Variants in TULP1 observed in about 807,000 individuals in gnomAD.
The protein encoded by TULP1 is TUB like protein 1, also known as tubby-related protein 1.
TULP1 carries 50 observed loss-of-function variants against 67.1 expected under a neutral mutation model. The observed-to-expected ratio is 0.75, with a 90% CI of 0.59 to 0.94. The LOEUF is 0.94. Among genes scored for constraint, TULP1 ranks in the 40% least tolerant of loss-of-function variants. The probability of loss-of-function intolerance (pLI) is 0.00; values close to 1 mark genes in which losing one functional copy is unlikely to be tolerated. For missense variants in TULP1, 746 were observed against 734.1 expected, an observed-to-expected ratio of 1.02 and a Z score of -0.19; for synonymous variants, 297 against 294.0, an observed-to-expected ratio of 1.01 and a Z score of -0.11.
At chr6:35,512,326 G>A in intron 2 of TULP1, 56 bp from the exon 3 acceptor site, 2 of 890,308 alleles carry the variant, frequency 2.2e-6, no homozygotes, top group Non-Finnish European at 1.6e-6. Flanking sequence ...GCTGAGGCCC[G>A]CCCATCCCCC....
At chr6:35,500,853 T>TG (rs1768827027) in intron 13 of TULP1, among the ~76,000 whole-genome samples, 1 of 152,136 alleles carries the variant, frequency 6.6e-6, no homozygotes, top group African/African-American at 2.4e-5. Flanking sequence ...ATGCTGCCTC[T>TG]GGGGGATTTG....
intron 3 of TULP1, 44 bp downstream of exon 3, chr6:35,512,136 A>G: frequency 8.6e-7 from 1 of 1,157,810 alleles, no homozygotes. Flanking sequence ...TCCCTTCCGC[A>G]GCCCACACCC....
rs746856003 is a variant in TULP1, at chr6:35,512,641, G to C, written c.97C>G (p.Gln33Glu). The C allele has an allele frequency of 6.2e-7, 1 of 1,614,064 alleles. No homozygotes were observed. The highest frequency in any genetic ancestry group is 1.1e-5 in the South Asian group (1 of 91,076). ...CCTTTCCAAGTGGGGTGGCATACCT[G>C]TTTGGGGCGCCGCGGGGCCTCCGGG... Reference protein sequence around the residue: ...LSPEAPRRPKQRPAPAQRLRK... With the variant: ...LSPEAPRRPKERPAPAQRLRK... Residue 33 changes from glutamine (Q) to glutamate (E), a missense_variant and splice_region_variant, in exon 2 of 15, where the codon CAG (glutamine) becomes GAG (glutamate). Transcript: ENST00000229771.
chr6:35,512,562 C>T lies in TULP1; in HGVS notation c.99+77G>A. 6 of 1,597,664 alleles carry T rather than the reference C, an allele frequency of 3.8e-6. No homozygotes were observed. In the South Asian group the frequency reaches 6.6e-5, roughly 18 times the overall value. The stretch of plus-strand genomic sequence containing the variant: ...CCTGCTAAGGGGGACCTGTCCCACC[C>T]CTAGACCCCCTACCCTGCGTGGGTT... On this transcript the variant is annotated intron_variant, in intron 2 of 14. Coordinates refer to ENST00000229771, the MANE Select transcript of TULP1 (RefSeq NM_003322.6).
At chr6:35,512,535 A>G in intron 2 of TULP1, 104 bp downstream of exon 2, 5 of 1,471,540 alleles carry the variant, frequency 3.4e-6, no homozygotes, top group Non-Finnish European at 4.7e-6. Context: ...CAACCCCCAG[A>G]CCCTGCTAAG....
intron 11 of TULP1, among the ~76,000 whole-genome samples, chr6:35,504,384 C>G (rs1241873125): frequency 1.3e-5 from 2 of 152,080 alleles, no homozygotes; most frequent in African/African-American, 4.8e-5. Flanking sequence ...TACAAGGAGA[C>G]TAGGCAGTGT....
rs1210563631 is a variant in TULP1, at chr6:35,506,078, C to T, written c.924G>A (p.Arg308=). 2 of 1,613,678 alleles carry T rather than the reference C, an allele frequency of 1.2e-6. No homozygotes were observed. Among genetic ancestry groups the T allele is most frequent in the Admixed American group, 1.7e-5 (1 of 60,024 alleles). ...CCATGCCCTTTTTGTCCCGGGTCAG[C>T]CGGCAGCGCACCGTGCGGCCCTGGG... is the stretch of plus-strand genomic sequence containing the variant. ...PAPQGRTVRC[R]LTRDKKGMDR... is the part of the protein sequence containing the mutation. The change falls in exon 10 of 15, where the codon CGG becomes CGA. Residue 308 remains arginine (R), a synonymous_variant. Coordinates refer to ENST00000229771, the MANE Select transcript of TULP1 (RefSeq NM_003322.6).
In TULP1 at chr6:35,503,472, G is replaced by A. The variant is rs984662977; in HGVS notation, c.1323+87C>T. 6.0e-6 allele frequency: 8 copies of A among 1,327,112 alleles called. No individual in the cohort carries two copies. The Admixed American group carries it at 1.4e-4, about 23-fold the overall frequency. 82.2% of individuals were successfully genotyped at this position (1,327,112 alleles called of 1,614,324 possible). On this transcript the variant is annotated intron_variant, in intron 13 of 14. Transcript: ENST00000229771. This position sits in a 1 kb window ranked among gnomAD's most constrained non-coding sequence, Gnocchi z 4.0. The stretch of plus-strand genomic sequence containing the variant: ...ATTTGTGTTGGAGGGTGATGGATGT[G>A]CTCAGGGAGTTGGCTATTTCCTAAG...
Position 35,503,715 on chromosome 6 carries a change from G to T in TULP1, c.1224+22C>A. On this transcript the variant is annotated intron_variant, in intron 12 of 14. Coordinates refer to ENST00000229771, the MANE Select transcript of TULP1 (RefSeq NM_003322.6). This position sits in a 1 kb window ranked among gnomAD's most constrained non-coding sequence, Gnocchi z 4.0. ...CCCTGTAAGGGGAGCAGCCTGGCAT[G>T]GGGGACAGGTGGAGTCCTCACATAG... 4 of 1,608,106 alleles carry T rather than the reference G, an allele frequency of 2.5e-6. No individual in the cohort carries two copies. Among genetic ancestry groups the T allele is most frequent in the Non-Finnish European group, 3.4e-6 (4 of 1,177,252 alleles).
intron 11 of TULP1, among the ~76,000 whole-genome samples, chr6:35,504,364 G>T (rs1761040495): frequency 6.6e-6 from 1 of 151,842 alleles, no homozygotes; most frequent in Non-Finnish European, 1.5e-5. Context: ...ACAAAAAAAA[G>T]GGCTGAATCT....
In TULP1 at chr6:35,503,621, T is replaced by C. The variant is rs771407316; in HGVS notation, c.1261A>G (p.Met421Val). 2 of 1,599,306 alleles carry C rather than the reference T, an allele frequency of 1.3e-6. No individual in the cohort carries two copies. The highest frequency in any genetic ancestry group is 1.7e-6 in the Non-Finnish European group (2 of 1,173,222). The change falls in exon 13 of 15, where the codon ATG (methionine) becomes GTG (valine). Residue 421 changes from methionine to valine, a missense_variant. By Grantham distance (21) the Met-to-Val change is conservative. Around this residue, in one of 3 missense-constraint regions of TULP1, gnomAD observed 383 missense variants for 374.1 expected, o/e 1.02. Coordinates refer to ENST00000229771, the MANE Select transcript of TULP1 (RefSeq NM_003322.6). This position sits in a 1 kb window ranked among gnomAD's most constrained non-coding sequence, Gnocchi z 4.0. ...NVLGFRGPRRMTVIIPGMSAE... is the reference protein window; with the variant it reads ...NVLGFRGPRRVTVIIPGMSAE... ...CTCATGCCAGGAATGATGACGGTCA[T>C]GCGCCGGGGGCCACGGAAGCCCAGC...
Position 35,498,103 on chromosome 6 carries a change from A to G in TULP1, c.*224T>C, listed in dbSNP as rs548534254. On this transcript the variant is annotated 3_prime_UTR_variant, in exon 15 of 15. Transcript: ENST00000229771. This position sits in a 1 kb window ranked among gnomAD's most constrained non-coding sequence, Gnocchi z 6.7. ...CTCCGAGACCAGATGTGCGGCTCCA[A>G]CTCCAGATGTTCTTCATCTCCGTCC... is the stretch of plus-strand genomic sequence containing the variant. 1.5e-4 allele frequency: 101 copies of G among 694,702 alleles called. No individual in the cohort carries two copies. The African/African-American group carries it at 1.5e-3, about 10-fold the overall frequency. 43.0% of individuals were successfully genotyped at this position (694,702 alleles called of 1,614,324 possible). A position where few individuals can be genotyped will look rare whatever the true frequency, so the allele number is the denominator to read the frequency against.
At position 35,503,376 on chromosome 6, in the gene TULP1, A is replaced by G; in HGVS notation, c.1323+183T>C. The G allele has an allele frequency of 1.6e-6, 1 of 635,842 alleles. No homozygotes were observed. The highest frequency in any genetic ancestry group is 2.7e-6 in the Non-Finnish European group (1 of 365,494). 39.4% of individuals were successfully genotyped at this position (635,842 alleles called of 1,614,324 possible). A position where few individuals can be genotyped will look rare whatever the true frequency, so the allele number is the denominator to read the frequency against. On this transcript the variant is annotated intron_variant, in intron 13 of 14. Coordinates refer to ENST00000229771, the MANE Select transcript of TULP1 (RefSeq NM_003322.6). The surrounding 1 kb of genome is among the most constrained non-coding windows in gnomAD (Gnocchi z 4.0). ...GATGTAAACTCCAAAAACAACCAAA[A>G]AGCCCATTGTGGTTTTTCAGTGAAT...
In TULP1 at chr6:35,503,599, A is replaced by G. The variant is rs1262798715; in HGVS notation, c.1283T>C (p.Met428Thr). The change falls in exon 13 of 15, where the codon ATG becomes ACG. Residue 428 changes from methionine (M) to threonine (T), a missense_variant. Coordinates refer to ENST00000229771, the MANE Select transcript of TULP1 (RefSeq NM_003322.6). The surrounding 1 kb of genome is among the most constrained non-coding windows in gnomAD (Gnocchi z 4.0). ...PRRMTVIIPG[M>T]SAENERVPIR... Reference sequence around the variant, plus strand: ...GGGGACCCTCTCGTTCTCCGCACTCATGCCAGGAATGATGACGGTCATGCG... The same window carrying G: ...GGGGACCCTCTCGTTCTCCGCACTCGTGCCAGGAATGATGACGGTCATGCG... 2 of 1,594,798 alleles carry G rather than the reference A, an allele frequency of 1.3e-6. No homozygotes were observed. The highest frequency in any genetic ancestry group is 8.5e-7 in the Non-Finnish European group (1 of 1,171,048).
At chr6:35,501,380 G>T (rs966446033) in intron 13 of TULP1, among the ~76,000 whole-genome samples, 4 of 151,988 alleles carry the variant, frequency 2.6e-5, no homozygotes, top group African/African-American at 9.7e-5. Context: ...TAGGGTCTCA[G>T]CTACATGAGA....
chr6:35,500,192 A>G (rs1257730313), intron 13 of TULP1, 40 bp from the exon 14 acceptor site: 1 of 1,610,690 alleles, frequency 6.2e-7, no homozygotes, highest in Non-Finnish European at 8.5e-7. Flanking sequence ...GAGGACAGTT[A>G]GAGATGGCTG....
chr6:35,512,141 A>C (rs1423126966), intron 3 of TULP1, 39 bp downstream of exon 3: 1 of 1,197,184 alleles, frequency 8.4e-7, no homozygotes, highest in Non-Finnish European at 1.1e-6. Flanking sequence ...TCCGCAGCCC[A>C]CACCCTGGGG....
intron 13 of TULP1, among the ~76,000 whole-genome samples, chr6:35,502,635 A>C (rs1295689334): frequency 6.6e-6 from 1 of 151,672 alleles, no homozygotes; most frequent in Non-Finnish European, 1.5e-5. Flanking sequence ...AACAGGTGAG[A>C]TTACAGTTGC....
Position 35,512,639 on chromosome 6 carries a change from C to G in TULP1, c.99G>C (p.Gln33His). The G allele has an allele frequency of 6.2e-7, 1 of 1,614,036 alleles. No homozygotes were observed. Among genetic ancestry groups the G allele is most frequent in the Non-Finnish European group, 8.5e-7 (1 of 1,179,984 alleles). Residue 33 changes from glutamine (Q) to histidine (H), a missense_variant and splice_region_variant, in exon 2 of 15, where the codon CAG becomes CAC. Physicochemically the swap from Gln to His is conservative, Grantham distance 24. This residue lies in a region of TULP1 where 359 missense variants were observed against 341.9 expected (regional missense o/e 1.05). Transcript: ENST00000229771. ...LSPEAPRRPK[Q>H]RPAPAQRLRK... is the part of the protein sequence containing the mutation. ...TTCCTTTCCAAGTGGGGTGGCATAC[C>G]TGTTTGGGGCGCCGCGGGGCCTCCG...
Sources: allele counts gnomAD v4.1 joint callset (sites outside exome capture counted in the v4.1 genomes callset), GRCh38; gene constraint gnomAD v4.1.1; regional missense constraint gnomAD v4.1.1; non-coding constraint Gnocchi (gnomAD v3.1); transcripts MANE v1.5; gene names NCBI Gene and HGNC (gene_info 2026-07-23, HGNC 2026-07-21).